SARS2: variants seen among roughly 807,000 people sequenced by gnomAD.
SARS2 encodes serine--tRNA ligase, mitochondrial.
Under a neutral mutation model 66.8 loss-of-function variants are expected in SARS2, and 52 were observed. The observed-to-expected ratio is 0.78, with a 90% confidence interval of 0.62 to 0.98. The LOEUF is 0.98. Ranked by LOEUF, SARS2 falls within the 50% of genes least tolerant of loss-of-function variation. SARS2 has a pLI of 0.00. For missense variants in SARS2, 673 were observed against 706.3 expected (o/e 0.95, Z 0.53); for synonymous variants, 306 against 281.4 (o/e 1.09, Z -0.87).
rs1466852356 is a variant in SARS2, at chr19:38,919,845, G to GGCCA, written c.672_675dup (p.His226TrpfsTer46). The GGCCA allele has an allele frequency of 2.5e-6, 4 of 1,613,972 alleles. No individual in the cohort carries two copies. The highest frequency in any genetic ancestry group is 2.5e-6 in the Non-Finnish European group (3 of 1,179,950). ...GCCCCGCGCAGGTAATAGGACCGGT[G>GGCCA]GCCAGACACGTGGGACAGGCGCCTG... On this transcript the variant is annotated frameshift_variant, in exon 7 of 16. Coordinates refer to ENST00000221431, the MANE Select transcript of SARS2 (RefSeq NM_017827.4). LOFTEE classifies it high-confidence loss of function.
At position 38,930,469 on chromosome 19, in the gene SARS2, C is replaced by T. The variant is rs1170204296; in HGVS notation, c.267+1G>A. 6.3e-7 allele frequency: 1 copy of T among 1,594,114 alleles called. No homozygotes were observed. Among genetic ancestry groups the T allele is most frequent in the South Asian group, 1.1e-5 (1 of 90,726 alleles). On this transcript the variant is annotated splice_donor_variant, in intron 1 of 15. Transcript: ENST00000221431. LOFTEE classifies it high-confidence loss of function. ...CCCCCGGCCGGCGCAGGCGCACTCACGATCGCGGGCAGGTCCGCCGAGCGC... is the reference window on the plus strand; with the variant it reads ...CCCCCGGCCGGCGCAGGCGCACTCATGATCGCGGGCAGGTCCGCCGAGCGC...
rs886054428 is a variant in SARS2 at position 38,921,461 on chromosome 19, C to G, written c.535-15G>C. The G allele has an allele frequency of 4.3e-6, 7 of 1,614,114 alleles. No homozygotes were observed. The highest frequency in any genetic ancestry group is 5.9e-6 in the Non-Finnish European group (7 of 1,180,010). On this transcript the variant is annotated splice_polypyrimidine_tract_variant and intron_variant, in intron 4 of 15. Coordinates refer to ENST00000221431, the MANE Select transcript of SARS2 (RefSeq NM_017827.4). ...TCCCCGACGGGCTGCAGGGAGACAG[C>G]AGGAGTCACGGAAAGGTGGCACTAG...
rs552622756 is a variant in SARS2 at position 38,916,386 on chromosome 19, A to C, written c.1161-72T>G. 9 of 1,373,468 alleles carry C rather than the reference A, an allele frequency of 6.6e-6. No individual in the cohort carries two copies. In the South Asian group the frequency reaches 8.3e-5, roughly 13 times the overall value. 85.1% of individuals were successfully genotyped at this position (1,373,468 alleles called of 1,614,324 possible). ...GGAGCAAGAGGAACAAATGGAAACG[A>C]TGGAAGAGAAGGCAGCCAAAAAGCA... On this transcript the variant is annotated intron_variant, in intron 12 of 15. Transcript: ENST00000221431.
chr19:38,919,926 T>G (rs900611825), intron 6 of SARS2, 59 bp from the exon 7 acceptor site: 10 of 1,506,866 alleles, frequency 6.6e-6, no homozygotes, highest in Non-Finnish European at 9.2e-6. Context: ...AATGTGGGGA[T>G]GAAAACACCC....
intron 1 of SARS2, 73 bp downstream of exon 1, chr19:38,930,397 G>C (rs1251088959): frequency 1.3e-6 from 2 of 1,513,758 alleles, no homozygotes; most frequent in Non-Finnish European, 1.8e-6. Flanking sequence ...CCCCCTGCCG[G>C]AGGGCATCTT....
At chr19:38,920,873 AG>A (rs1974511285) in intron 5 of SARS2, among the ~76,000 whole-genome samples, 5 of 151,756 alleles carry the variant, frequency 3.3e-5, no homozygotes, top group Admixed American at 3.3e-4. Flanking sequence ...ACAGATACAT[AG>A]ACACACACAG....
chr19:38,929,255 G>T (rs544684916), intron 1 of SARS2, among the ~76,000 whole-genome samples: 1 of 149,886 alleles, frequency 6.7e-6, no homozygotes, highest in Admixed American at 6.6e-5. Context: ...GGCACAGCAG[G>T]GTACTTAAGA....
chr19:38,916,472 A>G (rs1974420531), intron 12 of SARS2, among the ~76,000 whole-genome samples, 158 bp from the exon 13 acceptor site: 1 of 152,144 alleles, frequency 6.6e-6, no homozygotes, highest in Non-Finnish European at 1.5e-5. Context: ...ATCTACTCCA[A>G]AAAAACAAAC....
At chr19:38,919,980 A>G in intron 6 of SARS2, 106 bp downstream of exon 6, 1 of 1,371,364 alleles carries the variant, frequency 7.3e-7, no homozygotes, top group Non-Finnish European at 1.0e-6. Context: ...GGCATCAAAG[A>G]TTCATGGCAT....
chr19:38,921,076 C>CACAGAT (rs1555743903), intron 5 of SARS2, among the ~76,000 whole-genome samples: 1 of 144,936 alleles, frequency 6.9e-6, no homozygotes, highest in Admixed American at 6.7e-5. Context: ...CAGATACAGA[C>CACAGAT]ACACAGATAC....
intron 6 of SARS2, 93 bp from the exon 7 acceptor site, chr19:38,919,960 G>T: frequency 2.2e-6 from 3 of 1,372,544 alleles, no homozygotes; most frequent in Non-Finnish European, 3.1e-6. Flanking sequence ...CGGCTGCTGG[G>T]TGGGGCTGGG....
chr19:38,930,446 C>A, intron 1 of SARS2, 24 bp downstream of exon 1: 1 of 1,580,930 alleles, frequency 6.3e-7, no homozygotes, highest in Non-Finnish European at 8.6e-7. Flanking sequence ...GTCTGCGCCC[C>A]CCGGCCGGCG....
At chr19:38,924,179 C>T (rs899038934) in intron 2 of SARS2, among the ~76,000 whole-genome samples, 2 of 151,922 alleles carry the variant, frequency 1.3e-5, no homozygotes, top group South Asian at 4.2e-4. Flanking sequence ...TCTGTAGATT[C>T]GAAAATGGAA....
chr19:38,918,902 TC>T, intron 7 of SARS2, 89 bp from the exon 8 acceptor site: 1 of 1,340,130 alleles, frequency 7.5e-7, no homozygotes, highest in Non-Finnish European at 1.0e-6. Context: ...CAGAGCCCCT[TC>T]CTCCTCAGAC....
In SARS2 at chr19:38,916,456, G is replaced by A; in HGVS notation, c.1161-142C>T. On this transcript the variant is annotated intron_variant, in intron 12 of 15. Transcript: ENST00000221431. The stretch of plus-strand genomic sequence containing the variant: ...GAGACCAGCCTGGGCAACATAAGGA[G>A]ACCTCATCTACTCCAAAAAAACAAA... 4 of 683,790 alleles carry A rather than the reference G, an allele frequency of 5.8e-6. No homozygotes were observed. The South Asian group carries it at 7.1e-5, about 12-fold the overall frequency. The allele number at this position is 683,790 out of a possible 1,614,324, so 42.4% of individuals were successfully genotyped here.
At chr19:38,925,271 C>T (rs1217045375) in intron 2 of SARS2, among the ~76,000 whole-genome samples, 1 of 152,158 alleles carries the variant, frequency 6.6e-6, no homozygotes, top group Non-Finnish European at 1.5e-5. Flanking sequence ...CCAGATCATG[C>T]CACTGCACTC....
At chr19:38,917,861 G>A (rs775392532) in intron 11 of SARS2, 28 bp from the exon 12 acceptor site, 1 of 1,613,226 alleles carries the variant, frequency 6.2e-7, no homozygotes. Context: ...GGAGTCAGGA[G>A]GCTCTGAGCT....
chr19:38,919,735 A>G (rs1237445856), intron 7 of SARS2, 27 bp downstream of exon 7: 1 of 1,589,706 alleles, frequency 6.3e-7, no homozygotes, highest in East Asian at 2.2e-5. Context: ...CACCCCCTCC[A>G]GGCAGCCCTC....
rs374625962 is a variant in SARS2 at position 38,919,801 on chromosome 19, G to A, written c.720C>T (p.His240=). 3.0e-5 allele frequency: 49 copies of A among 1,614,076 alleles called. No homozygotes were observed. Among genetic ancestry groups the A allele is most frequent in the African/African-American group, 6.7e-5 (5 of 74,912 alleles). Residue 240 remains histidine, a synonymous_variant, in exon 7 of 16, where the codon CAC becomes CAT. Coordinates refer to ENST00000221431, the MANE Select transcript of SARS2 (RefSeq NM_017827.4). ...TGTTGAATGTGAAGTTGACCAGGCC[G>A]TGCTGCAGGAGGGCTCCAGCCCCGC... The part of the protein sequence containing the change: ...YLRGAGALLQ[H]GLVNFTFNKL...
Sources: allele counts gnomAD v4.1 joint callset (sites outside exome capture counted in the v4.1 genomes callset), GRCh38; gene constraint gnomAD v4.1.1; transcripts MANE v1.5; gene names NCBI Gene and HGNC (gene_info 2026-07-23, HGNC 2026-07-21).